Variants in IGF2BP1 observed in about 807,000 individuals in gnomAD.
IGF2BP1 encodes the protein insulin-like growth factor 2 mRNA-binding protein 1.
A neutral mutation model predicts 74.9 loss-of-function variants in IGF2BP1; 11 were observed. That is an observed-to-expected ratio of 0.15 (90% confidence interval 0.09 to 0.24). The LOEUF is 0.24. Ranked by LOEUF, IGF2BP1 falls within the 10% of genes least tolerant of loss-of-function variation. The pLI, the probability that IGF2BP1 is intolerant of heterozygous loss-of-function variation, is 1.00. For synonymous variants in IGF2BP1, 287 were observed against 281.8 expected (o/e 1.02, Z -0.18); for missense variants, 440 against 757.4 (o/e 0.58, Z 4.92).
intron 2 of IGF2BP1, among the ~76,000 whole-genome samples, chr17:49,006,897 C>T (rs779933484): frequency 1.6e-4 from 24 of 152,140 alleles, no homozygotes; most frequent in Admixed American, 7.2e-4. Context: ...AGAGATGAGG[C>T]GAGCATGGTG....
chr17:49,026,651 G>A (rs760463978), intron 4 of IGF2BP1, 134 bp downstream of exon 4: 1 of 602,592 alleles, frequency 1.7e-6, no homozygotes, highest in African/African-American at 2.0e-5. Context: ...CTTCCTGCCT[G>A]CCTTCCTGCC....
chr17:49,038,408 G>A lies in IGF2BP1; in HGVS notation c.642G>A (p.Glu214=), dbSNP rs962810679. 3 of 1,579,464 alleles carry A rather than the reference G, an allele frequency of 1.9e-6. No homozygotes were observed. The highest frequency in any genetic ancestry group is 2.7e-5 in the African/African-American group (2 of 74,058). ...TQYVGAIIGK[E]GATIRNITKQ... Reference sequence around the variant, plus strand: ...ATGTGGGTGCCATTATTGGCAAGGAGGGGGCCACCATCCGCAACATCACAA... The same window carrying A: ...ATGTGGGTGCCATTATTGGCAAGGAAGGGGCCACCATCCGCAACATCACAA... The change falls in exon 6 of 15, where the codon GAG becomes GAA. Residue 214 remains glutamate, a synonymous_variant. Transcript: ENST00000290341.
intron 6 of IGF2BP1, among the ~76,000 whole-genome samples, chr17:49,039,025 G>A (rs1345715878): frequency 2.0e-5 from 3 of 151,512 alleles, no homozygotes; most frequent in Non-Finnish European, 4.4e-5. Flanking sequence ...TTACAGGCGC[G>A]TGCCACCATG....
chr17:49,033,054 C>T (rs1031928576), intron 5 of IGF2BP1, among the ~76,000 whole-genome samples: 5 of 152,214 alleles, frequency 3.3e-5, no homozygotes, highest in South Asian at 2.1e-4. Context: ...TCAAGTGATC[C>T]GCTTGCCTTG....
chr17:49,033,700 CCCTT>C (rs971837467), intron 5 of IGF2BP1, among the ~76,000 whole-genome samples: 1 of 152,176 alleles, frequency 6.6e-6, no homozygotes, highest in Admixed American at 6.5e-5. Context: ...CTTGTGCCCT[CCCTT>C]CAATCTTATT....
In IGF2BP1 at chr17:49,052,096, A is replaced by AT. The variant is rs1437804846; in HGVS notation, c.*2654dup. On this transcript the variant is annotated 3_prime_UTR_variant, in exon 15 of 15. Coordinates refer to ENST00000290341, the MANE Select transcript of IGF2BP1 (RefSeq NM_006546.4). Reference sequence around the variant, plus strand: ...TGCCTTATCATTTTCTCCCTAGGACATTCCCTTGTAGCCCCCAGAATTGTC... The same window carrying AT: ...TGCCTTATCATTTTCTCCCTAGGACATTTCCCTTGTAGCCCCCAGAATTGTC... 6.6e-6 allele frequency: 1 copy of AT among 152,142 alleles called. No homozygotes were observed. Among genetic ancestry groups the AT allele is most frequent in the Non-Finnish European group, 1.5e-5 (1 of 68,042 alleles). 9.4% of individuals were successfully genotyped at this position (152,142 alleles called of 1,614,324 possible).
intron 13 of IGF2BP1, 61 bp from the exon 14 acceptor site, chr17:49,046,199 C>T: frequency 1.3e-6 from 2 of 1,498,488 alleles, no homozygotes; most frequent in South Asian, 1.1e-5. Flanking sequence ...CCTGGCTCCT[C>T]CCTCCAACCC....
At chr17:49,012,467 CTT>C (rs2041632315) in intron 2 of IGF2BP1, 2 of 152,198 alleles carry the variant, frequency 1.3e-5, no homozygotes, top group South Asian at 4.1e-4. Flanking sequence ...TCTCCAGAAA[CTT>C]CATAAAATAA....
rs895677454 is a variant in IGF2BP1 at position 49,049,492 on chromosome 17, T to A, written c.*48T>A. 1.3e-6 allele frequency: 2 copies of A among 1,521,692 alleles called. No individual in the cohort carries two copies. The highest frequency in any genetic ancestry group is 2.7e-5 in the African/African-American group (2 of 73,056). 94.3% of individuals were successfully genotyped at this position (1,521,692 alleles called of 1,614,324 possible). ...AGTCCAGGACAACAACGGGCAGAAA[T>A]CGAGAGTGTGCTCTCCCCGGCAGGC... On this transcript the variant is annotated 3_prime_UTR_variant, in exon 15 of 15. Coordinates refer to ENST00000290341, the MANE Select transcript of IGF2BP1 (RefSeq NM_006546.4).
intron 5 of IGF2BP1, among the ~76,000 whole-genome samples, chr17:49,036,110 G>A (rs904192351): frequency 6.8e-6 from 1 of 147,608 alleles, no homozygotes; most frequent in Admixed American, 6.8e-5. Context: ...GGGGTTGACT[G>A]GAAGCGACCG....
At chr17:49,041,315 G>A (rs1044032639) in intron 7 of IGF2BP1, 63 bp from the exon 8 acceptor site, 50 of 1,595,420 alleles carry the variant, frequency 3.1e-5, no homozygotes, top group Non-Finnish European at 4.0e-5. Context: ...TGGTGATTGA[G>A]TCTTCATGAA....
At chr17:49,019,459 C>G (rs1567815369) in intron 2 of IGF2BP1, among the ~76,000 whole-genome samples, 1 of 152,096 alleles carries the variant, frequency 6.6e-6, no homozygotes, top group Non-Finnish European at 1.5e-5. Context: ...GGAATTACGT[C>G]TTTTTAGTTT....
At chr17:49,044,421 C>T (rs755814990) in intron 11 of IGF2BP1, among the ~76,000 whole-genome samples, 24 of 152,148 alleles carry the variant, frequency 1.6e-4, no homozygotes, top group Non-Finnish European at 2.8e-4. Flanking sequence ...TCACTTTCCT[C>T]GTCAGTACAA....
Position 48,999,156 on chromosome 17 carries a change from C to T in IGF2BP1, c.223C>T (p.Pro75Ser). The T allele has an allele frequency of 6.5e-7, 1 of 1,537,392 alleles. No individual in the cohort carries two copies. The highest frequency in any genetic ancestry group is 2.3e-5 in the East Asian group (1 of 42,654). Reference protein sequence around the residue: ...GKRLEIEHSVPKKQRSRKIQI... With the variant: ...GKRLEIEHSVSKKQRSRKIQI... ...ACGCTTAGAGATTGAACATTCGGTG[C>T]CCAAAAAACAAAGGTAGGAAAGAGC... The change falls in exon 2 of 15, where the codon CCC (proline) becomes TCC (serine). Residue 75 changes from proline (P) to serine (S), a missense_variant. By Grantham distance (74) the Pro-to-Ser change is moderately conservative. Transcript: ENST00000290341.
rs777676019 is a variant in IGF2BP1 at position 49,045,928 on chromosome 17, C to T, written c.1434C>T (p.Asn478=). Reference sequence around the variant, plus strand: ...TCTATGGCAAACTCAAGGAGGAGAACTTCTTTGGTCCCAAGGAGGAAGTGA... The same window carrying T: ...TCTATGGCAAACTCAAGGAGGAGAATTTCTTTGGTCCCAAGGAGGAAGTGA... ...GRIYGKLKEE[N]FFGPKEEVKL... The change falls in exon 13 of 15, where the codon AAC becomes AAT. Residue 478 remains asparagine (N), a synonymous_variant. Coordinates refer to ENST00000290341, the MANE Select transcript of IGF2BP1 (RefSeq NM_006546.4). 9 of 1,614,096 alleles carry T rather than the reference C, an allele frequency of 5.6e-6. No homozygotes were observed. The highest frequency in any genetic ancestry group is 2.2e-5 in the East Asian group (1 of 44,886).
At position 49,012,125 on chromosome 17, in the gene IGF2BP1, G is replaced by A. The variant is rs533261703; in HGVS notation, c.236+12956G>A. Among the ~76,000 whole-genome samples the A allele has an allele frequency of 7.2e-5, 11 of 152,142 alleles. 1 individual carries two copies. The East Asian group carries it at 1.9e-3, about 27-fold the overall frequency. On this transcript the variant is annotated intron_variant, in intron 2 of 14. Transcript: ENST00000290341. Reference sequence around the variant, plus strand: ...TTGCCATGTTGGCCAGGCTGGTCTCGAACTCCTGACCTCAGGCGATCCGCC... The same window carrying A: ...TTGCCATGTTGGCCAGGCTGGTCTCAAACTCCTGACCTCAGGCGATCCGCC...
At chr17:49,026,228 C>T (rs1030532144) in intron 3 of IGF2BP1, among the ~76,000 whole-genome samples, 1 of 152,102 alleles carries the variant, frequency 6.6e-6, no homozygotes, top group African/African-American at 2.4e-5. Context: ...TTTAGGGACC[C>T]AGGCAGCCCA....
intron 5 of IGF2BP1, among the ~76,000 whole-genome samples, chr17:49,037,904 T>C (rs1196802994): frequency 6.6e-6 from 1 of 152,234 alleles, no homozygotes; most frequent in East Asian, 1.9e-4. Flanking sequence ...ATTTCTCTGA[T>C]GGTTCCAGTG....
intron 5 of IGF2BP1, among the ~76,000 whole-genome samples, chr17:49,032,892 T>C (rs977756646): frequency 1.3e-5 from 2 of 152,150 alleles, no homozygotes; most frequent in African/African-American, 4.8e-5. Flanking sequence ...ATCTGCTCAC[T>C]GCAACCTCAA....
Sources: allele counts gnomAD v4.1 joint callset (sites outside exome capture counted in the v4.1 genomes callset), GRCh38; gene constraint gnomAD v4.1.1; transcripts MANE v1.5; gene names NCBI Gene and HGNC (gene_info 2026-07-23, HGNC 2026-07-21).